Variants in CD59 observed in about 807,000 individuals in gnomAD.
CD59 encodes CD59 molecule (CD59 blood group), also known as CD59 glycoprotein.
A neutral mutation model predicts 7.0 loss-of-function variants in CD59; 3 were observed. The ratio of observed to expected loss-of-function variants is 0.43; its 90% CI spans 0.19 to 1.10. The LOEUF is 1.10. Ranked by LOEUF, CD59 falls within the 50% of genes least tolerant of loss-of-function variation. CD59 has a pLI of 0.29. For missense variants in CD59, 143 were observed against 151.0 expected (o/e 0.95, Z 0.28); for synonymous variants, 60 against 62.0 (o/e 0.97, Z 0.15).
At chr11:33,733,831 C>T (rs1213477577) in intron 1 of CD59, among the ~76,000 whole-genome samples, 1 of 152,180 alleles carries the variant, frequency 6.6e-6, no homozygotes, top group Non-Finnish European at 1.5e-5. Context: ...GGTGTTTCCA[C>T]AAGATTCACA....
chr11:33,734,713 G>A (rs1396154543), intron 1 of CD59, among the ~76,000 whole-genome samples: 1 of 152,238 alleles, frequency 6.6e-6, no homozygotes, highest in African/African-American at 2.4e-5. Context: ...AAGGTTTAGT[G>A]AATATGTTTC....
chr11:33,716,019 T>C (rs1853773662), intron 3 of CD59, among the ~76,000 whole-genome samples: 1 of 152,190 alleles, frequency 6.6e-6, no homozygotes, highest in South Asian at 2.1e-4. Context: ...AGCCAAGTCT[T>C]CTGTGCTCGT....
chr11:33,712,971 G>T (rs2133531946), intron 3 of CD59, among the ~76,000 whole-genome samples: 1 of 152,080 alleles, frequency 6.6e-6, no homozygotes, highest in Non-Finnish European at 1.5e-5. Context: ...TTTTTAATTT[G>T]CCACATGGAT....
In CD59 at chr11:33,717,552, G is replaced by A; in HGVS notation, c.68-81C>T. 7.1e-6 allele frequency: 6 copies of A among 844,184 alleles called. No individual in the cohort carries two copies. In the South Asian group the frequency reaches 8.5e-5, roughly 12 times the overall value. 52.3% of individuals were successfully genotyped at this position (844,184 alleles called of 1,614,324 possible). On this transcript the variant is annotated intron_variant, in intron 2 of 3. Coordinates refer to ENST00000642928, the MANE Select transcript of CD59 (RefSeq NM_000611.6). ...CAGCCCACCATCTCCATTAATATGG[G>A]CCCAAAGTCAGCAACTTGTGGTATA...
Position 33,707,778 on chromosome 11 carries a change from C to T in CD59, c.*2348G>A, listed in dbSNP as rs1853373179. ...TAGCCAGGTGGGCTTGCTAATCCTGCACCTCTACCTTAAGCTTACCCAGCG... is the reference window on the plus strand; with the variant it reads ...TAGCCAGGTGGGCTTGCTAATCCTGTACCTCTACCTTAAGCTTACCCAGCG... On this transcript the variant is annotated 3_prime_UTR_variant, in exon 4 of 4. Coordinates refer to ENST00000642928, the MANE Select transcript of CD59 (RefSeq NM_000611.6). 2 of 152,214 alleles carry T rather than the reference C, an allele frequency of 1.3e-5. No homozygotes were observed. The highest frequency in any genetic ancestry group is 4.8e-5 in the African/African-American group (2 of 41,440). The allele number at this position is 152,214 out of a possible 1,614,324, so 9.4% of individuals were successfully genotyped here.
intron 2 of CD59, 53 bp downstream of exon 2, chr11:33,722,326 G>A: frequency 7.7e-7 from 1 of 1,304,640 alleles, no homozygotes; most frequent in Non-Finnish European, 1.1e-6. Context: ...GCTTAAGAAG[G>A]GAGTTCATGG....
intron 1 of CD59, among the ~76,000 whole-genome samples, chr11:33,735,205 C>T (rs1590550991): frequency 6.6e-6 from 1 of 152,326 alleles, no homozygotes; most frequent in East Asian, 1.9e-4. Context: ...GAGTGGAGAA[C>T]TTGAACAACT....
intron 2 of CD59, 119 bp downstream of exon 2, chr11:33,722,260 T>G (rs1487214684): frequency 1.3e-6 from 1 of 773,634 alleles, no homozygotes; most frequent in Non-Finnish European, 2.3e-6. Context: ...CCTGTAACAC[T>G]GGAAGGCAAA....
Position 33,703,828 on chromosome 11 carries a change from G to A in CD59, c.*6298C>T, listed in dbSNP as rs564138996. 1 of 152,396 alleles carries A rather than the reference G, an allele frequency of 6.6e-6. No individual in the cohort carries two copies. Among genetic ancestry groups the A allele is most frequent in the Non-Finnish European group, 1.5e-5 (1 of 68,082 alleles). The allele number at this position is 152,396 out of a possible 1,614,324, so 9.4% of individuals were successfully genotyped here. ...GGGTCACACTGAAGAAATGTGACATGAGGGTGGAGGTTCCTGTCCAGCATT... is the reference window on the plus strand; with the variant it reads ...GGGTCACACTGAAGAAATGTGACATAAGGGTGGAGGTTCCTGTCCAGCATT... On this transcript the variant is annotated 3_prime_UTR_variant, in exon 4 of 4. Coordinates refer to ENST00000642928, the MANE Select transcript of CD59 (RefSeq NM_000611.6).
At chr11:33,711,295 CCTCT>C (rs966505918) in intron 3 of CD59, 14 of 643,264 alleles carry the variant, frequency 2.2e-5, no homozygotes, top group South Asian at 1.7e-4. Flanking sequence ...GGCAAGACCC[CCTCT>C]CTATTTCTTT....
intron 3 of CD59, among the ~76,000 whole-genome samples, chr11:33,713,932 T>C (rs1267809125): frequency 3.9e-5 from 6 of 152,194 alleles, no homozygotes; most frequent in Non-Finnish European, 8.8e-5. Context: ...TCGGCTCAAG[T>C]CTATCTAAAG....
At chr11:33,714,593 AT>A (rs1853706183) in intron 3 of CD59, among the ~76,000 whole-genome samples, 1 of 152,190 alleles carries the variant, frequency 6.6e-6, no homozygotes, top group Non-Finnish European at 1.5e-5. Flanking sequence ...TACTTTAGAA[AT>A]TTTTTAATTG....
intron 1 of CD59, among the ~76,000 whole-genome samples, chr11:33,723,463 A>C (rs1396889248): frequency 6.6e-6 from 1 of 152,242 alleles, no homozygotes; most frequent in Non-Finnish European, 1.5e-5. Flanking sequence ...AAGTTCCAGG[A>C]AAAGGGCAGG....
intron 1 of CD59, among the ~76,000 whole-genome samples, chr11:33,729,147 CA>C (rs1259689321): frequency 6.6e-6 from 1 of 152,198 alleles, no homozygotes; most frequent in Non-Finnish European, 1.5e-5. Flanking sequence ...CCAGCAATCC[CA>C]TTACTGGGTA....
At chr11:33,718,143 C>T (rs1256023959) in intron 2 of CD59, 1 of 155,968 alleles carries the variant, frequency 6.4e-6, no homozygotes, top group Non-Finnish European at 1.4e-5. Flanking sequence ...TGAGGTAAGT[C>T]TCATAATACC....
chr11:33,723,653 C>T (rs182988956), intron 1 of CD59, among the ~76,000 whole-genome samples: 1 of 152,346 alleles, frequency 6.6e-6, no homozygotes, highest in African/African-American at 2.4e-5. Context: ...AAACCTACAG[C>T]CTGCTACGGG....
In CD59 at chr11:33,704,707, A is replaced by T. The variant is rs557596555; in HGVS notation, c.*5419T>A. 2.0e-5 allele frequency: 3 copies of T among 152,420 alleles called. No individual in the cohort carries two copies. The highest frequency in any genetic ancestry group is 2.9e-5 in the Non-Finnish European group (2 of 68,044). 9.4% of individuals were successfully genotyped at this position (152,420 alleles called of 1,614,324 possible). A position where few individuals can be genotyped will look rare whatever the true frequency, so the allele number is the denominator to read the frequency against. ...TAGCATCAGAGCCGGCATTTCAAATAGACAGGCCAGCTCTAGAGGCCAGGG... is the reference window on the plus strand; with the variant it reads ...TAGCATCAGAGCCGGCATTTCAAATTGACAGGCCAGCTCTAGAGGCCAGGG... On this transcript the variant is annotated 3_prime_UTR_variant, in exon 4 of 4. Coordinates refer to ENST00000642928, the MANE Select transcript of CD59 (RefSeq NM_000611.6).
chr11:33,717,830 G>A lies in CD59; in HGVS notation c.68-359C>T, dbSNP rs557502597. On this transcript the variant is annotated intron_variant, in intron 2 of 3. Coordinates refer to ENST00000642928, the MANE Select transcript of CD59 (RefSeq NM_000611.6). ...TAAGTGTCTTCCAAGCAATGAATAT[G>A]CCCAATTAAATCACATCCTCGTGGG... is the stretch of plus-strand genomic sequence containing the variant. The A allele has an allele frequency of 3.2e-4, 102 of 322,134 alleles. 1 individual carries two copies. The highest frequency in any genetic ancestry group is 2.1e-3 in the African/African-American group (98 of 46,598). 20.0% of individuals were successfully genotyped at this position (322,134 alleles called of 1,614,324 possible).
intron 3 of CD59, among the ~76,000 whole-genome samples, chr11:33,715,132 A>C (rs1853730963): frequency 2.0e-5 from 3 of 151,996 alleles, no homozygotes; most frequent in Admixed American, 2.0e-4. Flanking sequence ...CATGATAAAA[A>C]ATATAGTAAA....
Sources: gnomAD v4.1 joint callset for allele counts (sites outside exome capture counted in the v4.1 genomes callset) on GRCh38, gnomAD v4.1.1 for gene constraint, MANE v1.5 for transcripts, NCBI Gene and HGNC (gene_info 2026-07-23, HGNC 2026-07-21) for gene names.